The following CYP2C19 variants were observed in gnomAD, a reference collection of about 807,000 sequenced individuals.
The protein encoded by CYP2C19 is cytochrome P450 family 2 subfamily C member 19.
A neutral mutation model predicts 40.9 loss-of-function variants in CYP2C19; 59 were observed. The observed-to-expected ratio is 1.44, with a 90% CI of 1.17 to 1.79. CYP2C19 has a LOEUF of 1.79. Among genes scored for constraint, CYP2C19 ranks in the 40% most tolerant of loss-of-function variants. CYP2C19 has a pLI of 0.00. For synonymous variants in CYP2C19, 253 were observed against 208.7 expected, an observed-to-expected ratio of 1.21 and a Z score of -1.83; for missense variants, 754 against 596.9, an observed-to-expected ratio of 1.26 and a Z score of -2.74.
rs571502628 is a variant in CYP2C19, at chr10:94,854,313, C to T, written c.*1399C>T. Among the ~76,000 whole-genome samples, 3 of 152,270 alleles carry T rather than the reference C, an allele frequency of 2.0e-5. No individual in the cohort carries two copies. Among genetic ancestry groups the T allele is most frequent in the Non-Finnish European group, 1.5e-5 (1 of 68,020 alleles). ...GGCTTACAGGCGTGAGCCACTGCAC[C>T]TGGCTGAACAAAATTTCTAAGAAGA... On this transcript the variant is annotated 3_prime_UTR_variant, in exon 9 of 9. Coordinates refer to ENST00000371321, the MANE Select transcript of CYP2C19 (RefSeq NM_000769.4).
Position 94,853,089 on chromosome 10 carries a change from G to T in CYP2C19, c.*175G>T, listed in dbSNP as rs544997836. 365 of 642,994 alleles carry T rather than the reference G, an allele frequency of 5.7e-4. No homozygotes were observed. Among genetic ancestry groups the T allele is most frequent in the Admixed American group, 1.8e-3 (63 of 34,184 alleles). 39.8% of individuals were successfully genotyped at this position (642,994 alleles called of 1,614,324 possible). A position where few individuals can be genotyped will look rare whatever the true frequency, so the allele number is the denominator to read the frequency against. On this transcript the variant is annotated 3_prime_UTR_variant, in exon 9 of 9. Transcript: ENST00000371321. The stretch of plus-strand genomic sequence containing the variant: ...AAAGTTTCACTGTGCAAATATATCT[G>T]CTATTCCCCATACTCTATAATAGTT...
At chr10:94,797,791 G>T (rs141927592) in intron 5 of CYP2C19, among the ~76,000 whole-genome samples, 1 of 152,082 alleles carries the variant, frequency 6.6e-6, no homozygotes. Context: ...GGTGTTTATA[G>T]TATTCTGTGA....
chr10:94,780,127 C>A (rs1386201592), intron 3 of CYP2C19, among the ~76,000 whole-genome samples: 1 of 152,128 alleles, frequency 6.6e-6, no homozygotes, highest in East Asian at 1.9e-4. Context: ...CCCAACTATT[C>A]TCACCCTTTC....
chr10:94,854,889 A>G lies in CYP2C19; in HGVS notation c.*1975A>G, dbSNP rs1422802818. On this transcript the variant is annotated 3_prime_UTR_variant, in exon 9 of 9. Transcript: ENST00000371321. ...GGGTATTACATTAATGGAAAGATACAGATGGAAATTACACATTATACATTT... is the reference window on the plus strand; with the variant it reads ...GGGTATTACATTAATGGAAAGATACGGATGGAAATTACACATTATACATTT... 6.6e-6 allele frequency among the ~76,000 whole-genome samples: 1 copy of G among 152,232 alleles called. No individual in the cohort carries two copies. The highest frequency in any genetic ancestry group is 2.4e-5 in the African/African-American group (1 of 41,470).
intron 5 of CYP2C19, among the ~76,000 whole-genome samples, chr10:94,802,629 A>T (rs1378227336): frequency 6.6e-6 from 1 of 152,102 alleles, no homozygotes; most frequent in Non-Finnish European, 1.5e-5. Context: ...TGTCACTATG[A>T]TGTTAGCCAG....
chr10:94,845,014 G>A (rs1849551274), intron 7 of CYP2C19, among the ~76,000 whole-genome samples: 1 of 152,142 alleles, frequency 6.6e-6, no homozygotes, highest in Non-Finnish European at 1.5e-5. Flanking sequence ...AGAACCCAGA[G>A]CGCAAGGAAA....
intron 6 of CYP2C19, among the ~76,000 whole-genome samples, chr10:94,836,392 C>T (rs1208057482): frequency 6.6e-6 from 1 of 151,344 alleles, no homozygotes; most frequent in African/African-American, 2.4e-5. Flanking sequence ...AGAGCTATTC[C>T]TGTTTTTTTT....
intron 3 of CYP2C19, among the ~76,000 whole-genome samples, chr10:94,777,807 A>G (rs1211983352): frequency 6.6e-6 from 1 of 151,908 alleles, no homozygotes; most frequent in Non-Finnish European, 1.5e-5. Flanking sequence ...CAAATGGTAA[A>G]CTAAAGAGCT....
chr10:94,770,069 A>G (rs888470998), intron 1 of CYP2C19, among the ~76,000 whole-genome samples: 8 of 152,176 alleles, frequency 5.3e-5, no homozygotes, highest in African/African-American at 1.9e-4. Flanking sequence ...ACCGTCATCC[A>G]GGACAGGAGA....
chr10:94,792,186 C>T (rs1266848004), intron 5 of CYP2C19, among the ~76,000 whole-genome samples: 1 of 151,946 alleles, frequency 6.6e-6, no homozygotes, highest in African/African-American at 2.4e-5. Context: ...GATTGCAACC[C>T]CTGCATTTTT....
chr10:94,842,822 C>G lies in CYP2C19; in HGVS notation c.962-15C>G. On this transcript the variant is annotated splice_polypyrimidine_tract_variant and intron_variant, in intron 6 of 8. Coordinates refer to ENST00000371321, the MANE Select transcript of CYP2C19 (RefSeq NM_000769.4). ...TTCTCTCCTTTTCCATCAGTTCTTACTTGTGTCTTGTCAGCTAAAGTCCAG... is the reference window on the plus strand; with the variant it reads ...TTCTCTCCTTTTCCATCAGTTCTTAGTTGTGTCTTGTCAGCTAAAGTCCAG... The G allele has an allele frequency of 6.2e-7, 1 of 1,613,928 alleles. No homozygotes were observed. Among genetic ancestry groups the G allele is most frequent in the Non-Finnish European group, 8.5e-7 (1 of 1,179,834 alleles).
chr10:94,852,819 T>G lies in CYP2C19; in HGVS notation c.1378T>G (p.Ser460Ala). 1 of 1,614,056 alleles carries G rather than the reference T, an allele frequency of 6.2e-7. No homozygotes were observed. The highest frequency in any genetic ancestry group is 8.5e-7 in the Non-Finnish European group (1 of 1,179,982). The change falls in exon 9 of 9, where the codon TCT (serine) becomes GCT (alanine). Residue 460 changes from serine to alanine, a missense_variant. Physicochemically the swap from Ser to Ala is moderately conservative, Grantham distance 99. Transcript: ENST00000371321. ...CATTTTACAGAACTTTAACCTGAAA[T>G]CTCTGATTGACCCAAAGGACCTTGA... ...TFILQNFNLK[S>A]LIDPKDLDTT...
At chr10:94,801,154 C>T (rs75254631) in intron 5 of CYP2C19, among the ~76,000 whole-genome samples, 7,248 of 152,256 alleles carry the variant, frequency 0.048, 237 homozygotes, top group South Asian at 0.11. Context: ...CATCTTGCCA[C>T]TAAATCTCTA....
rs1012474399 is a variant in CYP2C19, at chr10:94,764,528, C to T, written c.168+1655C>T. 9.2e-5 allele frequency among the ~76,000 whole-genome samples: 14 copies of T among 152,156 alleles called. 1 individual carries two copies. The highest frequency in any genetic ancestry group is 7.9e-4 in the Admixed American group (12 of 15,280). On this transcript the variant is annotated intron_variant, in intron 1 of 8. Transcript: ENST00000371321. ...GCCCAGCCGGCTTCACCTCTCAATC[C>T]CCCCTTTAAACAGGACACCCCAACT...
chr10:94,800,329 C>G (rs763069206), intron 5 of CYP2C19, among the ~76,000 whole-genome samples: 1 of 152,220 alleles, frequency 6.6e-6, no homozygotes, highest in African/African-American at 2.4e-5. Flanking sequence ...GTATAACCAG[C>G]GGAGGCTGCA....
chr10:94,835,396 A>G (rs1262466605), intron 6 of CYP2C19, among the ~76,000 whole-genome samples: 1 of 152,194 alleles, frequency 6.6e-6, no homozygotes, highest in East Asian at 1.9e-4. Flanking sequence ...GTGGCTAGCC[A>G]TCCCGAGGGG....
At chr10:94,836,820 G>T (rs1473632101) in intron 6 of CYP2C19, among the ~76,000 whole-genome samples, 1 of 152,208 alleles carries the variant, frequency 6.6e-6, no homozygotes, top group African/African-American at 2.4e-5. Context: ...GTGGCTTGAT[G>T]GCACAAGGTT....
chr10:94,788,108 T>C (rs1360667978), intron 5 of CYP2C19, among the ~76,000 whole-genome samples: 1 of 84,730 alleles, frequency 1.2e-5, no homozygotes, highest in Non-Finnish European at 2.4e-5. Context: ...ATTCCTAGGT[T>C]CCATTCCACC....
At chr10:94,800,326 C>A (rs1848746233) in intron 5 of CYP2C19, among the ~76,000 whole-genome samples, 1 of 152,188 alleles carries the variant, frequency 6.6e-6, no homozygotes, top group East Asian at 1.9e-4. Context: ...TGGGTATAAC[C>A]AGCGGAGGCT....
Sources: allele counts gnomAD v4.1 joint callset (sites outside exome capture counted in the v4.1 genomes callset), GRCh38; gene constraint gnomAD v4.1.1; transcripts MANE v1.5; gene names NCBI Gene and HGNC (gene_info 2026-07-23, HGNC 2026-07-21).